The following SNRPN variants were observed in gnomAD, a reference collection of about 807,000 sequenced individuals.
SNRPN encodes the protein small nuclear ribonucleoprotein polypeptide N.
SNRPN carries 7 observed loss-of-function variants against 25.2 expected under a neutral mutation model. The observed-to-expected ratio is 0.28, with a 90% CI of 0.16 to 0.52. SNRPN has a LOEUF of 0.52. Ranked by LOEUF, SNRPN falls within the 20% of genes least tolerant of loss-of-function variation. SNRPN has a pLI of 0.96. For missense variants in SNRPN, 196 were observed against 322.5 expected (o/e 0.61, Z 3.00); for synonymous variants, 124 against 110.6 (o/e 1.12, Z -0.76).
chr15:24,905,694 T>C (rs1264702793), intron 2 of SNRPN, among the ~76,000 whole-genome samples: 1 of 152,024 alleles, frequency 6.6e-6, no homozygotes, highest in Non-Finnish European at 1.5e-5. Flanking sequence ...TTAGCGAAAA[T>C]AAAAGAAAAA....
chr15:24,947,633 GA>G (rs2061964481), intron 3 of SNRPN, among the ~76,000 whole-genome samples: 2 of 151,774 alleles, frequency 1.3e-5, no homozygotes, highest in African/African-American at 4.8e-5. Flanking sequence ...GTCTCAAAAA[GA>G]AAAAAACCAA....
chr15:24,843,736 G>A (rs1038247857), intron 2 of SNRPN, among the ~76,000 whole-genome samples: 5 of 151,364 alleles, frequency 3.3e-5, no homozygotes, highest in Admixed American at 1.3e-4. Context: ...GCAGTGAGCC[G>A]AGATCATACC....
chr15:24,865,252 G>A (rs1004922183), intron 1 of SNRPN, among the ~76,000 whole-genome samples: 1 of 152,030 alleles, frequency 6.6e-6, no homozygotes, highest in Admixed American at 6.6e-5. Flanking sequence ...TCACCATGTT[G>A]GCCAGGCTGG....
At chr15:24,930,153 TAAATA>T (rs1675886739) in intron 3 of SNRPN, among the ~76,000 whole-genome samples, 2 of 77,542 alleles carry the variant, frequency 2.6e-5, no homozygotes, top group Non-Finnish European at 5.6e-5. Context: ...CAAAAATAAA[TAAATA>T]AAAATAATAA....
intron 3 of SNRPN, among the ~76,000 whole-genome samples, chr15:24,972,071 C>G (rs576397969): frequency 3.3e-5 from 5 of 152,096 alleles, no homozygotes; most frequent in African/African-American, 1.2e-4. Context: ...GCCTGGCCAA[C>G]GTAGCGAAAT....
At chr15:24,879,754 G>A (rs2056399400) in intron 1 of SNRPN, among the ~76,000 whole-genome samples, 1 of 152,166 alleles carries the variant, frequency 6.6e-6, no homozygotes, top group Admixed American at 6.5e-5. Context: ...CAGCTATGCT[G>A]TTCATTTTTG....
intron 3 of SNRPN, among the ~76,000 whole-genome samples, chr15:24,972,708 G>C (rs1345475380): frequency 6.6e-6 from 1 of 151,762 alleles, no homozygotes; most frequent in Non-Finnish European, 1.5e-5. Context: ...TACAATTCTG[G>C]CTAGATTTGG....
At chr15:24,933,652 A>G (rs1276713323) in intron 3 of SNRPN, among the ~76,000 whole-genome samples, 1 of 152,184 alleles carries the variant, frequency 6.6e-6, no homozygotes, top group Non-Finnish European at 1.5e-5. Flanking sequence ...TTCACAGTCA[A>G]GGGAACTGAA....
chr15:24,835,000 GTATATATATCTATATATAAAATAGA>G (rs1566807180), intron 2 of SNRPN, among the ~76,000 whole-genome samples: 2 of 38,896 alleles, frequency 5.1e-5, no homozygotes, highest in African/African-American at 1.5e-4. Flanking sequence ...GATATATATA[GTATATATATCTATATATAAAATAGA>G]TATATATAGT....
At chr15:24,902,339 G>T (rs949888282) in intron 2 of SNRPN, among the ~76,000 whole-genome samples, 9 of 152,184 alleles carry the variant, frequency 5.9e-5, no homozygotes, top group African/African-American at 2.2e-4. Flanking sequence ...AGTGGTCAGG[G>T]AATGCTATCT....
At chr15:24,837,458 T>C (rs2051299158) in intron 2 of SNRPN, among the ~76,000 whole-genome samples, 1 of 151,162 alleles carries the variant, frequency 6.6e-6, no homozygotes, top group Admixed American at 6.6e-5. Context: ...AAGCTCCGCC[T>C]CCTGGGTTCA....
chr15:24,861,304 T>C (rs547151477), intron 1 of SNRPN, among the ~76,000 whole-genome samples: 1 of 152,216 alleles, frequency 6.6e-6, no homozygotes, highest in Non-Finnish European at 1.5e-5. Context: ...GCTCCCAAGC[T>C]ATAAGCCTAT....
rs529599262 is a variant in SNRPN, at chr15:24,874,052, C to G, written c.-578-12464C>G. ...AAAGGCTGCCCGCTGCGGTGGCTCA[C>G]GCCTGTAATCCACTTTGGGAGGCCA... On this transcript the variant is annotated intron_variant, in intron 1 of 11. Transcript: ENST00000400097. Among the ~76,000 whole-genome samples, 115 of 150,866 alleles carry G rather than the reference C, an allele frequency of 7.6e-4. 1 individual carries two copies. Among genetic ancestry groups the G allele is most frequent in the South Asian group, 1.5e-3 (7 of 4,774 alleles).
chr15:24,904,974 G>A (rs1262842137), intron 2 of SNRPN, among the ~76,000 whole-genome samples: 7 of 148,740 alleles, frequency 4.7e-5, no homozygotes, highest in African/African-American at 1.7e-4. Flanking sequence ...TTAGCTGGGC[G>A]TGGTGGCATG....
At chr15:24,954,896 C>T, upstream of SNRPN, 1 of 1,139,426 alleles carries the variant, frequency 8.8e-7, no homozygotes. Flanking sequence ...CTGCGGCAAA[C>T]AAGCACGCCT....
At chr15:24,914,518 C>T (rs773450166) in intron 2 of SNRPN, among the ~76,000 whole-genome samples, 3 of 151,682 alleles carry the variant, frequency 2.0e-5, no homozygotes, top group Non-Finnish European at 4.4e-5. Flanking sequence ...GGCAACATAG[C>T]GGGATAGTGA....
chr15:24,903,896 T>G (rs1005250426), intron 2 of SNRPN, among the ~76,000 whole-genome samples: 1 of 151,948 alleles, frequency 6.6e-6, no homozygotes, highest in African/African-American at 2.4e-5. Flanking sequence ...TTGCTGTGTG[T>G]GGTGGTGCAC....
At chr15:24,918,607 A>G (rs1476944115) in intron 2 of SNRPN, among the ~76,000 whole-genome samples, 404 of 99,082 alleles carry the variant, frequency 4.1e-3, no homozygotes, top group Middle Eastern at 0.011. Context: ...TATATATATA[A>G]CATAATATAT....
chr15:24,844,828 T>G (rs2052044012), intron 2 of SNRPN, among the ~76,000 whole-genome samples: 1 of 152,194 alleles, frequency 6.6e-6, no homozygotes, highest in African/African-American at 2.4e-5. Context: ...CCAGCCAATT[T>G]ATCCATTTTT....
Sources: allele counts gnomAD v4.1 joint callset (sites outside exome capture counted in the v4.1 genomes callset), GRCh38; gene constraint gnomAD v4.1.1; transcripts MANE v1.5; gene names NCBI Gene and HGNC (gene_info 2026-07-23, HGNC 2026-07-21).